Variants in DGKD observed in about 807,000 individuals in gnomAD.
The protein encoded by DGKD is diacylglycerol kinase delta.
In DGKD, 68 loss-of-function variants were observed where a neutral mutation model predicts 154.4. That is an observed-to-expected ratio of 0.44 (90% CI 0.36 to 0.54). The LOEUF is 0.54. Among genes scored for constraint, DGKD ranks in the 20% least tolerant of loss-of-function variants. DGKD has a pLI of 0.00. For missense variants in DGKD, 1,343 were observed against 1,593.6 expected (o/e 0.84, Z 2.68); for synonymous variants, 693 against 638.0 (o/e 1.09, Z -1.30).
chr2:233,375,297 GGAAAAAAAA>G (rs984588573), intron 1 of DGKD, among the ~76,000 whole-genome samples: 11 of 151,256 alleles, frequency 7.3e-5, no homozygotes, highest in South Asian at 4.2e-4. Context: ...TCTCAAAAAA[GGAAAAAAAA>G]GAAAAAAAAG....
In DGKD at chr2:233,436,302, C is replaced by T. The variant is rs1559545363; in HGVS notation, c.694-14C>T. On this transcript the variant is annotated splice_polypyrimidine_tract_variant and intron_variant, in intron 6 of 29. Coordinates refer to ENST00000264057, the MANE Select transcript of DGKD (RefSeq NM_152879.3). The stretch of plus-strand genomic sequence containing the variant: ...TTGGGAGCGTCCCTAGTGCGTGCCT[C>T]TGTTTGGTTGCAGATTGCAATGCCC... 1.9e-6 allele frequency: 3 copies of T among 1,614,142 alleles called. No homozygotes were observed. The highest frequency in any genetic ancestry group is 1.7e-6 in the Non-Finnish European group (2 of 1,180,024).
intron 3 of DGKD, among the ~76,000 whole-genome samples, chr2:233,424,133 G>A (rs2054070): frequency 0.15 from 22,227 of 152,134 alleles, 2,199 homozygotes; most frequent in African/African-American, 0.26. Flanking sequence ...CCGTTGGACC[G>A]TTGTGGTCCC....
In DGKD at chr2:233,469,416, G is replaced by A. The variant is rs370332909; in HGVS notation, c.3601G>A (p.Gly1201Ser). ...KVGHMKRILC[G>S]IKELSRSAPA... ...GGGCCACATGAAGAGGATCCTGTGT[G>A]GCATCAAGGAGCTGAGCCGCAGCGC... The change falls in exon 30 of 30, where the codon GGC (glycine) becomes AGC (serine). Residue 1201 changes from glycine to serine, a missense_variant. Gly to Ser is a moderately conservative substitution (Grantham distance 56). Around this residue, in one of 6 missense-constraint regions of DGKD, gnomAD observed 429 missense variants for 496.3 expected, o/e 0.86. Coordinates refer to ENST00000264057, the MANE Select transcript of DGKD (RefSeq NM_152879.3). The A allele has an allele frequency of 9.9e-6, 16 of 1,611,070 alleles. No homozygotes were observed. Among genetic ancestry groups the A allele is most frequent in the African/African-American group, 1.3e-5 (1 of 74,912 alleles).
chr2:233,398,321 A>ATT (rs2061474385), intron 3 of DGKD, among the ~76,000 whole-genome samples: 1 of 149,708 alleles, frequency 6.7e-6, no homozygotes, highest in Non-Finnish European at 1.5e-5. Flanking sequence ...TTTTTTTTGT[A>ATT]TTTTTAGTAG....
At chr2:233,418,835 C>A (rs1393188540) in intron 3 of DGKD, among the ~76,000 whole-genome samples, 2 of 152,116 alleles carry the variant, frequency 1.3e-5, no homozygotes, top group African/African-American at 4.8e-5. Flanking sequence ...GGGCAGCGTG[C>A]AGAGCTGGTG....
chr2:233,377,055 GAT>G (rs1026515458), intron 1 of DGKD, among the ~76,000 whole-genome samples: 212 of 146,006 alleles, frequency 1.5e-3, no homozygotes, highest in African/African-American at 5.2e-3. Context: ...TTTACAAAAA[GAT>G]ATTAATAGCG....
intron 1 of DGKD, among the ~76,000 whole-genome samples, chr2:233,367,223 T>A (rs1702072361): frequency 8.2e-6 from 1 of 122,564 alleles, no homozygotes; most frequent in African/African-American, 3.1e-5. Flanking sequence ...TGTCTGGTAT[T>A]AATGACTTTT....
intron 2 of DGKD, among the ~76,000 whole-genome samples, chr2:233,389,761 C>T (rs1194367276): frequency 1.3e-5 from 2 of 152,072 alleles, no homozygotes; most frequent in Non-Finnish European, 2.9e-5. Flanking sequence ...GGGGCTGTGC[C>T]GGGGGACCCT....
At chr2:233,453,363 T>C (rs1353516650) in intron 18 of DGKD, among the ~76,000 whole-genome samples, 1 of 152,174 alleles carries the variant, frequency 6.6e-6, no homozygotes, top group East Asian at 1.9e-4. Context: ...CCTTCCCTCA[T>C]CTCTTTGTCC....
chr2:233,460,150 C>A (rs774001985), intron 23 of DGKD, 44 bp from the exon 24 acceptor site: 1 of 1,602,018 alleles, frequency 6.2e-7, no homozygotes, highest in South Asian at 1.1e-5. Context: ...CAGTCAGATG[C>A]ATGCTTCAGA....
Position 233,448,291 on chromosome 2 carries a change from G to A in DGKD, c.1530G>A (p.Thr510=), listed in dbSNP as rs546114843. 2.6e-5 allele frequency: 42 copies of A among 1,614,114 alleles called. No homozygotes were observed. The highest frequency in any genetic ancestry group is 1.8e-4 in the Admixed American group (11 of 60,018). Residue 510 remains threonine, a synonymous_variant, in exon 14 of 30, where the codon ACG becomes ACA. Coordinates refer to ENST00000264057, the MANE Select transcript of DGKD (RefSeq NM_152879.3). ...VISSAKVLCE[T]VKDFVARVGK... Reference sequence around the variant, plus strand: ...CTCCCCACAGAGTGCTCTGTGAGACGGTGAAGGACTTCGTGGCACGGGTGG... The same window carrying A: ...CTCCCCACAGAGTGCTCTGTGAGACAGTGAAGGACTTCGTGGCACGGGTGG...
chr2:233,438,274 A>G lies in DGKD; in HGVS notation c.980A>G (p.Asn327Ser), dbSNP rs767771309. 4.3e-5 allele frequency: 69 copies of G among 1,614,104 alleles called. No homozygotes were observed. Among genetic ancestry groups the G allele is most frequent in the Admixed American group, 1.2e-4 (7 of 60,012 alleles). ...ACAAGCCCACTGTTGGTCTTCGTCA[A>G]TTCAAAAAGTGGGGACAACCAGGGT... ...SCTSPLLVFV[N>S]SKSGDNQGVK... Residue 327 changes from asparagine (N) to serine (S), a missense_variant, in exon 9 of 30, where the codon AAT (asparagine) becomes AGT (serine). Around this residue, in one of 6 missense-constraint regions of DGKD, gnomAD observed 332 missense variants for 400.1 expected, o/e 0.83. Transcript: ENST00000264057. The surrounding 1 kb of genome is among the most constrained non-coding windows in gnomAD (Gnocchi z 4.1).
At chr2:233,383,205 T>C (rs539571767) in intron 1 of DGKD, among the ~76,000 whole-genome samples, 2 of 152,248 alleles carry the variant, frequency 1.3e-5, no homozygotes, top group East Asian at 3.9e-4. Context: ...CATGCCCAGC[T>C]AATTTTTGTA....
At chr2:233,356,759 C>G (rs1228087471) in intron 1 of DGKD, among the ~76,000 whole-genome samples, 1 of 151,834 alleles carries the variant, frequency 6.6e-6, no homozygotes, top group Non-Finnish European at 1.5e-5. Flanking sequence ...GATTTTTCTT[C>G]TGAGTTGTTA....
chr2:233,420,803 C>G (rs941559803), intron 3 of DGKD, among the ~76,000 whole-genome samples: 1 of 152,192 alleles, frequency 6.6e-6, no homozygotes, highest in African/African-American at 2.4e-5. Flanking sequence ...TGCTGGTTTT[C>G]GTGGCCTCTG....
rs1199792069 is a variant in DGKD, at chr2:233,441,314, A to G, written c.1086-573A>G. Among the ~76,000 whole-genome samples the G allele has an allele frequency of 6.6e-6, 1 of 152,166 alleles. No homozygotes were observed. The highest frequency in any genetic ancestry group is 1.5e-5 in the Non-Finnish European group (1 of 68,018). On this transcript the variant is annotated intron_variant, in intron 9 of 29. Transcript: ENST00000264057. This position sits in a 1 kb window ranked among gnomAD's most constrained non-coding sequence, Gnocchi z 5.6. ...GAGTGGGCCCAGGCATATGTGCTGCAGTGGGGACACGCAGCCCGCAGCAGG... is the reference window on the plus strand; with the variant it reads ...GAGTGGGCCCAGGCATATGTGCTGCGGTGGGGACACGCAGCCCGCAGCAGG...
At chr2:233,401,261 T>C (rs1343365625) in intron 3 of DGKD, among the ~76,000 whole-genome samples, 2 of 152,144 alleles carry the variant, frequency 1.3e-5, no homozygotes, top group African/African-American at 2.4e-5. Flanking sequence ...AGGCATGATA[T>C]ATGTGTTTGT....
rs184471997 is a variant in DGKD, at chr2:233,448,386, G to T, written c.1614+11G>T. 5 of 1,610,924 alleles carry T rather than the reference G, an allele frequency of 3.1e-6. No individual in the cohort carries two copies. The highest frequency in any genetic ancestry group is 3.4e-6 in the Non-Finnish European group (4 of 1,177,834). On this transcript the variant is annotated intron_variant, in intron 14 of 29. Coordinates refer to ENST00000264057, the MANE Select transcript of DGKD (RefSeq NM_152879.3). ...GTCATGGCCAAGAAGGTCTGTTCCC[G>T]TGCCCTGGGTGGGAGGGGCATTGAG...
chr2:233,415,761 C>T (rs1448754618), intron 3 of DGKD, among the ~76,000 whole-genome samples: 1 of 152,064 alleles, frequency 6.6e-6, no homozygotes, highest in African/African-American at 2.4e-5. Flanking sequence ...GTAGCTGGGA[C>T]CACAGGCAGG....
Sources: allele counts gnomAD v4.1 joint callset (sites outside exome capture counted in the v4.1 genomes callset), GRCh38; gene constraint gnomAD v4.1.1; regional missense constraint gnomAD v4.1.1; non-coding constraint Gnocchi (gnomAD v3.1); transcripts MANE v1.5; gene names NCBI Gene and HGNC (gene_info 2026-07-23, HGNC 2026-07-21).